TMEM182: variants seen among roughly 807,000 people sequenced by gnomAD.
The protein encoded by TMEM182 is transmembrane protein 182.
A neutral mutation model predicts 26.8 loss-of-function variants in TMEM182; 20 were observed. The observed-to-expected ratio is 0.75, with a 90% CI of 0.53 to 1.09. The LOEUF (loss-of-function observed/expected upper bound fraction) is 1.09, where lower values mean the gene tolerates loss of function less well. Ranked by LOEUF, TMEM182 falls within the 50% of genes least tolerant of loss-of-function variation. The pLI is 0.00. For missense variants in TMEM182, 277 were observed against 275.5 expected (o/e 1.01, Z -0.04); for synonymous variants, 109 against 102.2 (o/e 1.07, Z -0.40).
At chr2:102,830,743 T>G (rs1057399725) in intron 3 of TMEM182, among the ~76,000 whole-genome samples, 14 of 152,188 alleles carry the variant, frequency 9.2e-5, no homozygotes, top group African/African-American at 3.1e-4. Flanking sequence ...ATTAAGTTAT[T>G]ATTGATTATA....
chr2:102,788,411 C>T (rs1681488872), intron 3 of TMEM182, among the ~76,000 whole-genome samples: 1 of 152,098 alleles, frequency 6.6e-6, no homozygotes, highest in South Asian at 2.1e-4. Context: ...CCTGTGTGCT[C>T]ACCTGGTCCC....
intron 3 of TMEM182, among the ~76,000 whole-genome samples, chr2:102,787,667 C>T (rs753937259): frequency 1.3e-5 from 2 of 152,106 alleles, no homozygotes; most frequent in Non-Finnish European, 2.9e-5. Flanking sequence ...AAATTTCTGG[C>T]GGACATAGCA....
At chr2:102,838,801 A>G (rs1478541240) in intron 3 of TMEM182, among the ~76,000 whole-genome samples, 1 of 152,204 alleles carries the variant, frequency 6.6e-6, no homozygotes, top group African/African-American at 2.4e-5. Flanking sequence ...ACAGATGTTT[A>G]GGCAGAGAGA....
At chr2:102,760,763 C>T (rs538226985), upstream of TMEM182, among the ~76,000 whole-genome samples, 320 of 152,084 alleles carry the variant, frequency 2.1e-3, 2 homozygotes, top group African/African-American at 7.4e-3. Context: ...TACAGGGGCC[C>T]GCCACCATGC....
chr2:102,764,373 C>A lies in TMEM182; in HGVS notation c.277C>A (p.Pro93Thr), dbSNP rs574565777. The A allele has an allele frequency of 1.4e-5, 23 of 1,613,980 alleles. No individual in the cohort carries two copies. The South Asian group carries it at 1.9e-4, about 13-fold the overall frequency. The change falls in exon 3 of 5, where the codon CCG (proline) becomes ACG (threonine). Residue 93 changes from proline to threonine, a missense_variant. Coordinates refer to ENST00000412401, the MANE Select transcript of TMEM182 (RefSeq NM_144632.5). ...GAACTGCACACATGCTTACCTGTCT[C>A]CGTACCCCTTCATGAGAGGCGAGCA... ...SKNCTHAYLSPYPFMRGEHNS... is the reference protein window; with the variant it reads ...SKNCTHAYLSTYPFMRGEHNS...
intron 2 of TMEM182, 24 bp from the exon 3 acceptor site, chr2:102,764,305 C>A: frequency 6.2e-7 from 1 of 1,608,662 alleles, no homozygotes; most frequent in Non-Finnish European, 8.5e-7. Flanking sequence ...ATAACAAGTG[C>A]CATTGTTTTG....
intron 3 of TMEM182, among the ~76,000 whole-genome samples, chr2:102,768,141 A>G (rs1680527710): frequency 6.6e-6 from 1 of 152,208 alleles, no homozygotes; most frequent in Non-Finnish European, 1.5e-5. Flanking sequence ...TTCATAGCAC[A>G]GTTTTAAATT....
intron 3 of TMEM182, among the ~76,000 whole-genome samples, chr2:102,767,890 C>T (rs1680516197): frequency 6.6e-6 from 1 of 152,074 alleles, no homozygotes; most frequent in Admixed American, 6.6e-5. Flanking sequence ...GCCATCTGAC[C>T]TTCTTTAAGG....
intron 3 of TMEM182, among the ~76,000 whole-genome samples, chr2:102,782,746 C>T (rs151308180): frequency 6.6e-6 from 1 of 152,264 alleles, no homozygotes; most frequent in African/African-American, 2.4e-5. Flanking sequence ...CACTTTAAAA[C>T]AAGATCTATT....
intron 3 of TMEM182, among the ~76,000 whole-genome samples, chr2:102,828,212 G>T (rs969077194): frequency 1.3e-5 from 2 of 152,170 alleles, no homozygotes; most frequent in Non-Finnish European, 2.9e-5. Flanking sequence ...TCAGGGAAGA[G>T]AAAACAAATC....
chr2:102,788,614 C>T (rs1681502365), intron 3 of TMEM182, among the ~76,000 whole-genome samples: 1 of 151,958 alleles, frequency 6.6e-6, no homozygotes, highest in Non-Finnish European at 1.5e-5. Flanking sequence ...CCCTCCTAAC[C>T]CCCAGGCTCC....
chr2:102,757,527 A>G (rs1338864767), upstream of TMEM182: 1 of 152,142 alleles, frequency 6.6e-6, no homozygotes. Context: ...CTAAAGACTT[A>G]TCTGTATTCA....
At chr2:102,755,746 C>A (rs1409751276) in intron 1 of TMEM182, among the ~76,000 whole-genome samples, 2 of 152,140 alleles carry the variant, frequency 1.3e-5, no homozygotes, top group South Asian at 4.1e-4. Context: ...TCCCCAGTAA[C>A]GTCGTTAAGA....
intron 3 of TMEM182, among the ~76,000 whole-genome samples, chr2:102,831,412 A>T (rs1286916778): frequency 1.3e-5 from 2 of 152,236 alleles, no homozygotes; most frequent in Non-Finnish European, 2.9e-5. Flanking sequence ...GGTAAACAGG[A>T]TCCACCCTGC....
intron 4 of TMEM182, among the ~76,000 whole-genome samples, chr2:102,800,318 C>T (rs974186329): frequency 6.6e-6 from 1 of 152,122 alleles, no homozygotes; most frequent in African/African-American, 2.4e-5. Flanking sequence ...CTCTAAGAAA[C>T]CTCTAATCTA....
chr2:102,739,732 T>G (rs577992225), intron 1 of TMEM182, among the ~76,000 whole-genome samples: 3 of 152,338 alleles, frequency 2.0e-5, no homozygotes, highest in Non-Finnish European at 2.9e-5. Flanking sequence ...TCTGTGGAAC[T>G]GTGAGCCAAT....
rs1682800801 is a variant in TMEM182 at position 102,817,637 on chromosome 2, A to G, written c.*2669A>G. ...ACTAATCTATAAATATATTTATTAA[A>G]TTTGAAGATTAAATGGAATTATAAA... On this transcript the variant is annotated 3_prime_UTR_variant, in exon 5 of 5. Transcript: ENST00000412401. 1 of 976,076 alleles carries G rather than the reference A, an allele frequency of 1.0e-6. No individual in the cohort carries two copies. Among genetic ancestry groups the G allele is most frequent in the Non-Finnish European group, 1.2e-6 (1 of 821,444 alleles). The allele number at this position is 976,076 out of a possible 1,614,324, so 60.5% of individuals were successfully genotyped here. A position where few individuals can be genotyped will look rare whatever the true frequency, so the allele number is the denominator to read the frequency against.
chr2:102,750,423 G>A (rs1679844670), intron 1 of TMEM182, among the ~76,000 whole-genome samples: 1 of 152,134 alleles, frequency 6.6e-6, no homozygotes, highest in Non-Finnish European at 1.5e-5. Flanking sequence ...TGTTGCTTCT[G>A]TCCTAAGGAA....
chr2:102,792,118 T>G (rs924097208), intron 3 of TMEM182, among the ~76,000 whole-genome samples: 2 of 150,974 alleles, frequency 1.3e-5, no homozygotes, highest in South Asian at 4.2e-4. Flanking sequence ...TGTTAATATA[T>G]GTGTGTGTGT....
Sources: allele counts gnomAD v4.1 joint callset (sites outside exome capture counted in the v4.1 genomes callset), GRCh38; gene constraint gnomAD v4.1.1; transcripts MANE v1.5; gene names NCBI Gene and HGNC (gene_info 2026-07-23, HGNC 2026-07-21).